The following PTPRQ variants were observed in gnomAD, a reference collection of about 807,000 sequenced individuals.
PTPRQ encodes protein tyrosine phosphatase receptor type Q.
In PTPRQ, 199 loss-of-function variants were observed where a neutral mutation model predicts 246.0. The observed-to-expected ratio is 0.81, with a 90% CI of 0.72 to 0.91. PTPRQ has a LOEUF of 0.91. Among genes scored for constraint, PTPRQ ranks in the 40% least tolerant of loss-of-function variants. PTPRQ has a pLI of 0.00. For synonymous variants in PTPRQ, 869 were observed against 853.2 expected (o/e 1.02, Z -0.32); for missense variants, 2,624 against 2,528.4 (o/e 1.04, Z -0.81).
intron 17 of PTPRQ, among the ~76,000 whole-genome samples, chr12:80,528,406 A>G (rs943605553): frequency 2.6e-5 from 4 of 152,158 alleles, no homozygotes; most frequent in African/African-American, 9.7e-5. Context: ...GAGTATAATA[A>G]CTTATATTTT....
intron 35 of PTPRQ, among the ~76,000 whole-genome samples, chr12:80,636,428 C>T (rs1899654592): frequency 6.6e-6 from 1 of 152,182 alleles, no homozygotes; most frequent in Admixed American, 6.5e-5. Context: ...AGGAATCATT[C>T]TGCATCATCA....
At position 80,604,913 on chromosome 12, in the gene PTPRQ, G is replaced by T. The variant is rs142567452; in HGVS notation, c.4610-146G>T. The T allele has an allele frequency of 3.8e-5, 29 of 766,898 alleles. No homozygotes were observed. In the African/African-American group the frequency reaches 4.9e-4, roughly 13 times the overall value. 47.5% of individuals were successfully genotyped at this position (766,898 alleles called of 1,614,324 possible). ...GAATTGGATCTTTTTATTTGGTAAT[G>T]CCTTTAGCACTCTGTGAAATATAAA... On this transcript the variant is annotated intron_variant, in intron 26 of 44. Coordinates refer to ENST00000644991, the MANE Select transcript of PTPRQ (RefSeq NM_001145026.2).
chr12:80,575,678 A>G (rs1329506457), intron 25 of PTPRQ, among the ~76,000 whole-genome samples: 2 of 151,736 alleles, frequency 1.3e-5, no homozygotes, highest in Non-Finnish European at 2.9e-5. Flanking sequence ...TGTCTCTACT[A>G]AAAATACAAA....
intron 8 of PTPRQ, among the ~76,000 whole-genome samples, chr12:80,477,178 G>C (rs1174258610): frequency 6.6e-6 from 1 of 151,924 alleles, no homozygotes; most frequent in African/African-American, 2.4e-5. Context: ...ATGAGTGAGG[G>C]CACCTGAAAT....
intron 8 of PTPRQ, among the ~76,000 whole-genome samples, chr12:80,479,666 A>T (rs1365578571): frequency 2.8e-5 from 4 of 141,892 alleles, no homozygotes; most frequent in Non-Finnish European, 4.6e-5. Context: ...GGCTCAAAAT[A>T]AAAGGATGGA....
intron 24 of PTPRQ, among the ~76,000 whole-genome samples, chr12:80,548,398 A>G (rs1896371803): frequency 6.6e-6 from 1 of 152,172 alleles, no homozygotes; most frequent in Non-Finnish European, 1.5e-5. Context: ...AATAGTTAAT[A>G]GCATTTAATT....
chr12:80,628,601 T>C (rs1234766101), intron 33 of PTPRQ, among the ~76,000 whole-genome samples: 1 of 152,150 alleles, frequency 6.6e-6, no homozygotes, highest in Non-Finnish European at 1.5e-5. Flanking sequence ...TTTTTCAAAA[T>C]CAATATATTT....
At chr12:80,465,865 A>T (rs1446198740) in intron 6 of PTPRQ, among the ~76,000 whole-genome samples, 3 of 152,208 alleles carry the variant, frequency 2.0e-5, no homozygotes, top group Non-Finnish European at 4.4e-5. Flanking sequence ...TCAAAATAAT[A>T]AGAGCTATCT....
At chr12:80,558,123 C>A (rs1194493633) in intron 25 of PTPRQ, among the ~76,000 whole-genome samples, 63 of 72,162 alleles carry the variant, frequency 8.7e-4, no homozygotes, top group African/African-American at 3.8e-3. Context: ...TTCTTTCTTT[C>A]TTTTCTTTTC....
chr12:80,449,037 T>C (rs1892651482), intron 3 of PTPRQ, among the ~76,000 whole-genome samples: 1 of 151,884 alleles, frequency 6.6e-6, no homozygotes, highest in East Asian at 1.9e-4. Context: ...CCAGCACTTG[T>C]TCTTTCCTGA....
intron 35 of PTPRQ, among the ~76,000 whole-genome samples, chr12:80,639,374 ACT>A (rs1253591030): frequency 6.6e-6 from 1 of 152,088 alleles, no homozygotes; most frequent in African/African-American, 2.4e-5. Flanking sequence ...CTTGACAGAA[ACT>A]CAGTTTCTTT....
At chr12:80,556,194 A>G (rs1896641845) in intron 25 of PTPRQ, among the ~76,000 whole-genome samples, 1 of 151,916 alleles carries the variant, frequency 6.6e-6, no homozygotes, top group African/African-American at 2.4e-5. Context: ...CACCCAGCTA[A>G]TTTTTCGTAT....
At chr12:80,638,798 C>T (rs529973296) in intron 35 of PTPRQ, among the ~76,000 whole-genome samples, 4 of 152,152 alleles carry the variant, frequency 2.6e-5, no homozygotes, top group South Asian at 2.1e-4. Flanking sequence ...ACTAAAATAA[C>T]GTTTTAAATT....
At chr12:80,593,345 A>G (rs1592696196) in intron 26 of PTPRQ, among the ~76,000 whole-genome samples, 2 of 152,226 alleles carry the variant, frequency 1.3e-5, no homozygotes, top group East Asian at 3.9e-4. Context: ...ATCAGAAAAC[A>G]TGTTATCATT....
chr12:80,630,719 A>T (rs1483099028), intron 33 of PTPRQ, among the ~76,000 whole-genome samples: 3 of 151,540 alleles, frequency 2.0e-5, no homozygotes, highest in East Asian at 1.9e-4. Flanking sequence ...CTGATTATTA[A>T]TTTTTTTTTA....
chr12:80,580,599 C>A (rs1897403061), intron 25 of PTPRQ, among the ~76,000 whole-genome samples: 1 of 152,172 alleles, frequency 6.6e-6, no homozygotes, highest in Admixed American at 6.5e-5. Flanking sequence ...CTGCTGGTCA[C>A]TTATGAATAC....
chr12:80,670,260 CT>C, intron 41 of PTPRQ, 83 bp from the exon 42 acceptor site: 1 of 1,502,024 alleles, frequency 6.7e-7, no homozygotes, highest in Non-Finnish European at 8.9e-7. Context: ...AAAAGATCAC[CT>C]TCAAAAACTG....
At chr12:80,573,313 C>T (rs1897197942) in intron 25 of PTPRQ, among the ~76,000 whole-genome samples, 1 of 152,110 alleles carries the variant, frequency 6.6e-6, no homozygotes, top group East Asian at 1.9e-4. Flanking sequence ...CACAGTGAAA[C>T]CCCGTCTCTA....
At chr12:80,672,572 C>T (rs912144738) in intron 42 of PTPRQ, among the ~76,000 whole-genome samples, 6 of 151,732 alleles carry the variant, frequency 4.0e-5, no homozygotes, top group African/African-American at 7.3e-5. Flanking sequence ...TAGGAATTTC[C>T]GAATCAATCT....
Sources: allele counts gnomAD v4.1 joint callset (sites outside exome capture counted in the v4.1 genomes callset), GRCh38; gene constraint gnomAD v4.1.1; transcripts MANE v1.5; gene names NCBI Gene and HGNC (gene_info 2026-07-23, HGNC 2026-07-21).